Variants in GRM8 observed in about 807,000 individuals in gnomAD.
GRM8 encodes glutamate metabotropic receptor 8, also known as metabotropic glutamate receptor 8.
GRM8 carries 47 observed loss-of-function variants against 87.2 expected under a neutral mutation model. The observed-to-expected ratio is 0.54, with a 90% CI of 0.43 to 0.69. GRM8 has a LOEUF of 0.69. GRM8 is among the 30% of genes least tolerant of loss of function. The pLI, the probability that GRM8 is intolerant of heterozygous loss-of-function variation, is 0.00. For synonymous variants in GRM8, 396 were observed against 404.5 expected, an observed-to-expected ratio of 0.98 and a Z score of 0.25; for missense variants, 1,019 against 1,139.2, an observed-to-expected ratio of 0.89 and a Z score of 1.52.
In GRM8 at chr7:126,545,396, G is replaced by A. The variant is rs80159310; in HGVS notation, c.1495-11509C>T. On this transcript the variant is annotated intron_variant, in intron 8 of 10. Transcript: ENST00000339582. ...ATAATTCTAATTTGGATATCACAGA[G>A]TGACCATTTTTAATTGAAGCCATTG... 1.0e-3 allele frequency among the ~76,000 whole-genome samples: 159 copies of A among 152,238 alleles called. 1 individual carries two copies. The highest frequency in any genetic ancestry group is 3.6e-3 in the African/African-American group (151 of 41,546).
At chr7:127,024,017 A>C (rs749398171) in intron 3 of GRM8, among the ~76,000 whole-genome samples, 1 of 152,126 alleles carries the variant, frequency 6.6e-6, no homozygotes, top group Non-Finnish European at 1.5e-5. Context: ...TTTGATATTA[A>C]AGTCTTTTCT....
At chr7:127,242,347 C>A (rs184053040) in intron 2 of GRM8, among the ~76,000 whole-genome samples, 6 of 152,052 alleles carry the variant, frequency 3.9e-5, no homozygotes, top group African/African-American at 1.4e-4. Flanking sequence ...ATGATAAATG[C>A]GCTGAGTTCA....
At chr7:126,727,916 A>T (rs909176386) in intron 7 of GRM8, among the ~76,000 whole-genome samples, 1 of 152,272 alleles carries the variant, frequency 6.6e-6, no homozygotes, top group Admixed American at 6.5e-5. Flanking sequence ...GTATTATTGT[A>T]TGTACACATG....
chr7:127,082,692 T>G (rs1822998600), intron 3 of GRM8, among the ~76,000 whole-genome samples: 1 of 152,190 alleles, frequency 6.6e-6, no homozygotes, highest in Non-Finnish European at 1.5e-5. Context: ...CGTAAATGTT[T>G]CCTCGATTAT....
At position 127,090,024 on chromosome 7, in the gene GRM8, A is replaced by T. The variant is rs113737207; in HGVS notation, c.727+16472T>A. 3.2e-4 allele frequency among the ~76,000 whole-genome samples: 48 copies of T among 152,328 alleles called. 2 individuals carry two copies. The highest frequency in any genetic ancestry group is 1.1e-3 in the African/African-American group (45 of 41,572). ...TTTCAATGGCATAGATCCCCACAGCATCAAGTGATTCCCATCCTCCATGCC... is the reference window on the plus strand; with the variant it reads ...TTTCAATGGCATAGATCCCCACAGCTTCAAGTGATTCCCATCCTCCATGCC... On this transcript the variant is annotated intron_variant, in intron 3 of 10. Coordinates refer to ENST00000339582, the MANE Select transcript of GRM8 (RefSeq NM_000845.3).
chr7:126,822,886 C>T (rs1794431384), intron 6 of GRM8, among the ~76,000 whole-genome samples: 1 of 152,190 alleles, frequency 6.6e-6, no homozygotes, highest in Admixed American at 6.5e-5. Context: ...TCAATGCCTT[C>T]AACACATTTC....
intron 7 of GRM8, among the ~76,000 whole-genome samples, chr7:126,624,374 G>C (rs974609925): frequency 6.6e-6 from 1 of 152,056 alleles, no homozygotes; most frequent in Non-Finnish European, 1.5e-5. Flanking sequence ...TTCCCGACTT[G>C]ATCTTCTGAC....
At chr7:126,995,454 T>C (rs901117409) in intron 3 of GRM8, among the ~76,000 whole-genome samples, 1 of 152,154 alleles carries the variant, frequency 6.6e-6, no homozygotes, top group Non-Finnish European at 1.5e-5. Context: ...CTCAAAGAAA[T>C]TCAACATAAC....
intron 2 of GRM8, among the ~76,000 whole-genome samples, chr7:127,179,934 C>T (rs1458910947): frequency 6.6e-6 from 1 of 151,882 alleles, no homozygotes; most frequent in Non-Finnish European, 1.5e-5. Context: ...GGTCACACCT[C>T]AAGGAGCAAG....
chr7:126,775,551 A>G (rs1483922086), intron 6 of GRM8, among the ~76,000 whole-genome samples: 1 of 142,574 alleles, frequency 7.0e-6, no homozygotes. Flanking sequence ...CAATAGGGGG[A>G]ACATAAGGTA....
At chr7:127,043,719 C>A (rs1226752349) in intron 3 of GRM8, among the ~76,000 whole-genome samples, 1 of 152,082 alleles carries the variant, frequency 6.6e-6, no homozygotes, top group African/African-American at 2.4e-5. Context: ...ACATATGTAA[C>A]AAACCTGCAC....
chr7:127,224,155 T>C (rs1336110467), intron 2 of GRM8, among the ~76,000 whole-genome samples: 2 of 152,016 alleles, frequency 1.3e-5, no homozygotes, highest in African/African-American at 2.4e-5. Flanking sequence ...GAAAAGCATT[T>C]GAAGAAATAA....
intron 8 of GRM8, among the ~76,000 whole-genome samples, chr7:126,595,969 T>C (rs1462204961): frequency 2.0e-5 from 3 of 152,128 alleles, no homozygotes; most frequent in African/African-American, 4.8e-5. Flanking sequence ...AAACCATGTC[T>C]TTACTAAAGA....
intron 7 of GRM8, among the ~76,000 whole-genome samples, chr7:126,763,442 CATAT>C (rs750564318): frequency 0.013 from 1,513 of 119,860 alleles, 36 homozygotes; most frequent in African/African-American, 0.041. Flanking sequence ...ATGATAAATT[CATAT>C]ATATATATAT....
rs1052138646 is a variant in GRM8 at position 127,225,594 on chromosome 7, T to C, written c.510+17101A>G. 3.3e-5 allele frequency among the ~76,000 whole-genome samples: 5 copies of C among 151,366 alleles called. No homozygotes were observed. In the East Asian group the frequency reaches 9.6e-4, roughly 29 times the overall value. ...TGGAGCAGTGCCCCAAACGCTTAAA[T>C]GAGCTGGGTACAAATCAGTCAGCGT... On this transcript the variant is annotated intron_variant, in intron 2 of 10. Coordinates refer to ENST00000339582, the MANE Select transcript of GRM8 (RefSeq NM_000845.3).
At chr7:126,956,027 T>C (rs1156915068) in intron 3 of GRM8, among the ~76,000 whole-genome samples, 1 of 152,162 alleles carries the variant, frequency 6.6e-6, no homozygotes, top group Non-Finnish European at 1.5e-5. Context: ...CATGTATATG[T>C]GATGTGTCCA....
chr7:126,687,353 T>C (rs1450334389), intron 7 of GRM8, among the ~76,000 whole-genome samples: 2 of 152,208 alleles, frequency 1.3e-5, no homozygotes, highest in Admixed American at 1.3e-4. Context: ...TTATCTCCAC[T>C]TGAACTTTAT....
chr7:127,120,127 T>C (rs1256013673), intron 2 of GRM8, among the ~76,000 whole-genome samples: 1 of 152,150 alleles, frequency 6.6e-6, no homozygotes, highest in Non-Finnish European at 1.5e-5. Flanking sequence ...TTGGCTGGGT[T>C]CCAGAATTAT....
At chr7:127,137,327 T>C (rs1827998144) in intron 2 of GRM8, among the ~76,000 whole-genome samples, 1 of 152,092 alleles carries the variant, frequency 6.6e-6, no homozygotes, top group African/African-American at 2.4e-5. Context: ...TGGATACCTC[T>C]AAGTTGTATA....
Sources: gnomAD v4.1 joint callset for allele counts (sites outside exome capture counted in the v4.1 genomes callset) on GRCh38, gnomAD v4.1.1 for gene constraint, MANE v1.5 for transcripts, NCBI Gene and HGNC (gene_info 2026-07-23, HGNC 2026-07-21) for gene names.